ELFN2: variants seen among roughly 807,000 people sequenced by gnomAD.
ELFN2 encodes the protein protein phosphatase 1 regulatory subunit 29.
ELFN2 carries 17 observed loss-of-function variants against 45.5 expected under a neutral mutation model. The ratio of observed to expected loss-of-function variants is 0.37; its 90% CI spans 0.26 to 0.56. ELFN2 has a LOEUF of 0.56. Among genes scored for constraint, ELFN2 ranks in the 20% least tolerant of loss-of-function variants. The probability of loss-of-function intolerance (pLI) is 0.77; values close to 1 mark genes in which losing one functional copy is unlikely to be tolerated. For missense variants in ELFN2, 922 were observed against 1,183.2 expected, an observed-to-expected ratio of 0.78 and a Z score of 3.24; for synonymous variants, 550 against 551.5, an observed-to-expected ratio of 1.00 and a Z score of 0.04.
Position 37,373,617 on chromosome 22 carries a change from C to T in ELFN2, c.1918G>A (p.Ala640Thr), listed in dbSNP as rs1218529847. 14 of 1,603,060 alleles carry T rather than the reference C, an allele frequency of 8.7e-6. No individual in the cohort carries two copies. Among genetic ancestry groups the T allele is most frequent in the Admixed American group, 1.7e-5 (1 of 57,760 alleles). The change falls in exon 3 of 3, where the codon GCC (alanine) becomes ACC (threonine). Residue 640 changes from alanine to threonine, a missense_variant. Around this residue, in one of 2 missense-constraint regions of ELFN2, gnomAD observed 564 missense variants for 642.8 expected, o/e 0.88. Coordinates refer to ENST00000402918, the MANE Select transcript of ELFN2 (RefSeq NM_052906.5). ...GGCACGTCCAGGCTAAAGACCTTGG[C>T]GCTCTTGATGGAACCACTGGACGAC... ...SVSSSGSIKS[A>T]KVFSLDVPDH...
At chr22:37,411,678 G>A (rs755688116) in intron 2 of ELFN2, among the ~76,000 whole-genome samples, 2 of 152,184 alleles carry the variant, frequency 1.3e-5, no homozygotes, top group Non-Finnish European at 2.9e-5. Flanking sequence ...CTGTGACCCA[G>A]TGTGGAGACA....
In ELFN2 at chr22:37,361,053, G is replaced by A. The variant is rs185294037; in HGVS notation, n.149-18350C>T. ...CTCACCTGAACCATGTCAAAGGACCGTTATAAACAGCTAAGGGACAGCCAC... is the reference window on the plus strand; with the variant it reads ...CTCACCTGAACCATGTCAAAGGACCATTATAAACAGCTAAGGGACAGCCAC... On this transcript the variant is annotated intron_variant and non_coding_transcript_variant, in intron 1 of 2. Coordinates refer to ENST00000452946, the Ensembl canonical transcript of ELFN2. Among the ~76,000 whole-genome samples, 491 of 152,216 alleles carry A rather than the reference G, an allele frequency of 3.2e-3. 1 individual carries two copies. The highest frequency in any genetic ancestry group is 8.7e-3 in the South Asian group (42 of 4,830).
At chr22:37,379,342 G>A (rs1473825907) in intron 2 of ELFN2, among the ~76,000 whole-genome samples, 1 of 152,204 alleles carries the variant, frequency 6.6e-6, no homozygotes, top group Non-Finnish European at 1.5e-5. Context: ...AGCAGTGGAA[G>A]CAGCTGTGGG....
At position 37,417,575 on chromosome 22, in the gene ELFN2, A is replaced by C. The variant is rs1004288713; in HGVS notation, c.-463+194T>G. Among the ~76,000 whole-genome samples the C allele has an allele frequency of 6.6e-6, 1 of 152,106 alleles. No individual in the cohort carries two copies. The highest frequency in any genetic ancestry group is 2.4e-5 in the African/African-American group (1 of 41,446). ...GCCCCCAACAGGCCTGCCGCTCTGC[A>C]GGCCGCCTCATAGGCCCTGTGGAAG... is the stretch of plus-strand genomic sequence containing the variant. On this transcript the variant is annotated intron_variant, in intron 2 of 2. Coordinates refer to ENST00000402918, the MANE Select transcript of ELFN2 (RefSeq NM_052906.5). The surrounding 1 kb of genome is among the most constrained non-coding windows in gnomAD (Gnocchi z 4.5).
intron 1 of ELFN2, among the ~76,000 whole-genome samples, chr22:37,423,103 T>C (rs1932822402): frequency 1.3e-5 from 2 of 152,186 alleles, no homozygotes; most frequent in South Asian, 4.2e-4. Flanking sequence ...CTGAAGAAGA[T>C]ACTGATCCTG....
intron 2 of ELFN2, among the ~76,000 whole-genome samples, chr22:37,397,766 C>T (rs1932253057): frequency 6.6e-6 from 1 of 150,774 alleles, no homozygotes; most frequent in Admixed American, 6.8e-5. Flanking sequence ...TACATTGGAT[C>T]CAGGAGCTTC....
intron 2 of ELFN2, among the ~76,000 whole-genome samples, chr22:37,406,898 C>A (rs920906967): frequency 6.6e-6 from 1 of 152,216 alleles, no homozygotes; most frequent in Non-Finnish European, 1.5e-5. Context: ...GCAAAGCAGG[C>A]AATGCACCCG....
intron 2 of ELFN2, among the ~76,000 whole-genome samples, chr22:37,405,323 C>A (rs368662675): frequency 6.6e-6 from 1 of 151,894 alleles, no homozygotes; most frequent in Admixed American, 6.6e-5. Flanking sequence ...GAACCTCTGA[C>A]GTCAGGTGAT....
intron 1 of ELFN2, among the ~76,000 whole-genome samples, chr22:37,359,078 A>G (rs906170522): frequency 6.6e-6 from 1 of 152,164 alleles, no homozygotes; most frequent in Non-Finnish European, 1.5e-5. Flanking sequence ...TGCACTAAGT[A>G]GGGAATCAGT....
intron 2 of ELFN2, among the ~76,000 whole-genome samples, chr22:37,385,878 A>G (rs996862541): frequency 6.6e-6 from 1 of 152,160 alleles, no homozygotes; most frequent in East Asian, 1.9e-4. Context: ...CTGGGGCTCA[A>G]GGATTCTAGG....
At chr22:37,388,604 G>C (rs1235016748) in intron 2 of ELFN2, among the ~76,000 whole-genome samples, 1 of 152,182 alleles carries the variant, frequency 6.6e-6, no homozygotes. Context: ...CTGCTCCCTG[G>C]GGAAGTCGGG....
intron 2 of ELFN2, among the ~76,000 whole-genome samples, chr22:37,414,618 C>T (rs1348021937): frequency 6.6e-6 from 1 of 152,146 alleles, no homozygotes; most frequent in East Asian, 1.9e-4. Context: ...TTAAAGTAAC[C>T]CTGCTTCCAT....
intron 1 of ELFN2, among the ~76,000 whole-genome samples, chr22:37,419,468 C>T (rs1265496209): frequency 2.0e-5 from 3 of 152,074 alleles, no homozygotes; most frequent in African/African-American, 7.2e-5. Flanking sequence ...CCAAGGTGCA[C>T]TGCACACAGC....
chr22:37,365,952 A>G (rs1879910769), downstream of ELFN2, among the ~76,000 whole-genome samples: 1 of 149,022 alleles, frequency 6.7e-6, no homozygotes, highest in Admixed American at 6.6e-5. Flanking sequence ...TTGAGCACTT[A>G]CGAATAAACT....
intron 2 of ELFN2, among the ~76,000 whole-genome samples, chr22:37,398,461 C>G (rs1181368734): frequency 6.6e-6 from 1 of 152,026 alleles, no homozygotes; most frequent in African/African-American, 2.4e-5. Flanking sequence ...CTCCACCACC[C>G]CACTCCTGTC....
intron 1 of ELFN2, among the ~76,000 whole-genome samples, chr22:37,355,789 A>G (rs961284079): frequency 2.6e-5 from 4 of 152,202 alleles, no homozygotes; most frequent in African/African-American, 7.2e-5. Flanking sequence ...TGTGCTCCGC[A>G]GAGTGCAGTC....
intron 1 of ELFN2, among the ~76,000 whole-genome samples, chr22:37,359,205 G>A (rs35042682): frequency 3.4e-4 from 52 of 152,268 alleles, no homozygotes; most frequent in Non-Finnish European, 5.7e-4. Context: ...TTTGTAAAAC[G>A]CAATCATCTG....
intron 2 of ELFN2, among the ~76,000 whole-genome samples, chr22:37,341,186 T>C (rs1298402158): frequency 6.6e-6 from 1 of 151,948 alleles, no homozygotes; most frequent in Non-Finnish European, 1.5e-5. Flanking sequence ...TGTGGCAGCA[T>C]GGGAGGGGAG....
At position 37,373,518 on chromosome 22, in the gene ELFN2, G is replaced by A. The variant is rs1175883341; in HGVS notation, c.2017C>T (p.Pro673Ser). Residue 673 changes from proline to serine, a missense_variant, in exon 3 of 3, where the codon CCG becomes TCG. Coordinates refer to ENST00000402918, the MANE Select transcript of ELFN2 (RefSeq NM_052906.5). ...YIEKGSPLNS[P>S]LDRLPLVPAG... ...GGCACCAGCGGGAGCCGGTCCAGCG[G>A]GCTGTTGAGGGGGCTGCCCTTCTCG... is the stretch of plus-strand genomic sequence containing the variant. The A allele has an allele frequency of 1.9e-6, 3 of 1,565,596 alleles. No homozygotes were observed. Among genetic ancestry groups the A allele is most frequent in the Non-Finnish European group, 2.6e-6 (3 of 1,157,580 alleles).
Sources: gnomAD v4.1 joint callset for allele counts (sites outside exome capture counted in the v4.1 genomes callset) on GRCh38, gnomAD v4.1.1 for gene constraint, gnomAD v4.1.1 regional missense constraint, Gnocchi (gnomAD v3.1) non-coding constraint, MANE v1.5 for transcripts, NCBI Gene and HGNC (gene_info 2026-07-23, HGNC 2026-07-21) for gene names.